BAG1: variants seen among roughly 807,000 people sequenced by gnomAD.
The protein encoded by BAG1 is BAG cochaperone 1.
In BAG1, 35 loss-of-function variants were observed where a neutral mutation model predicts 35.5. The observed-to-expected ratio is 0.99, with a 90% CI of 0.75 to 1.31. The LOEUF is 1.31. BAG1 is among the 50% of genes most tolerant of loss of function. The pLI, the probability that BAG1 is intolerant of heterozygous loss-of-function variation, is 0.00. For synonymous variants in BAG1, 191 were observed against 178.9 expected, an observed-to-expected ratio of 1.07 and a Z score of -0.54; for missense variants, 464 against 453.6, an observed-to-expected ratio of 1.02 and a Z score of -0.21.
chr9:33,264,564 G>C lies in BAG1; in HGVS notation c.111C>G (p.Ala37=), dbSNP rs1282683365. The C allele has an allele frequency of 6.9e-7, 1 of 1,441,228 alleles. No homozygotes were observed. 89.3% of individuals were successfully genotyped at this position (1,441,228 alleles called of 1,614,324 possible). ...GCCCAGAGGGAGGCGGACCACGCTG[G>C]GCCGGGGGCTCCGACTGGCGCGGCT... Residue 37 remains alanine, a synonymous_variant, in exon 1 of 7, where the codon GCC becomes GCG. Transcript: ENST00000634734.
Position 33,264,612 on chromosome 9 carries a change from C to T in BAG1, c.63G>A (p.Leu21=), listed in dbSNP as rs997122538. 3 of 1,359,650 alleles carry T rather than the reference C, an allele frequency of 2.2e-6. No homozygotes were observed. The highest frequency in any genetic ancestry group is 2.8e-6 in the Non-Finnish European group (3 of 1,065,358). 84.2% of individuals were successfully genotyped at this position (1,359,650 alleles called of 1,614,324 possible). A position where few individuals can be genotyped will look rare whatever the true frequency, so the allele number is the denominator to read the frequency against. ...GCTCCCGGCCTGGCCGAAGGGCGCG[C>T]AGCCGGGAACCCAGCCGCTCCCGGT... The change falls in exon 1 of 7, where the codon CTG becomes CTA. Residue 21 remains leucine (L), a synonymous_variant. Transcript: ENST00000634734.
chr9:33,255,347 G>A (rs765823981), intron 6 of BAG1, 39 bp from the exon 7 acceptor site: 2 of 1,613,340 alleles, frequency 1.2e-6, no homozygotes, highest in Admixed American at 3.3e-5. Flanking sequence ...CCCATCCAGG[G>A]GTAGCCGACC....
chr9:33,258,834 A>C (rs1820509781), intron 4 of BAG1, 86 bp downstream of exon 4: 1 of 1,087,640 alleles, frequency 9.2e-7, no homozygotes, highest in African/African-American at 1.6e-5. Context: ...AGGGAGTCTG[A>C]CTGCAGAACA....
At chr9:33,255,975 T>A in intron 5 of BAG1, 48 bp from the exon 6 acceptor site, 1 of 1,514,148 alleles carries the variant, frequency 6.6e-7, no homozygotes, top group Non-Finnish European at 9.2e-7. Flanking sequence ...AGTAAACATG[T>A]AACAAATAAT....
chr9:33,259,848 A>G (rs1328733900), intron 3 of BAG1: 1 of 152,184 alleles, frequency 6.6e-6, no homozygotes, highest in African/African-American at 2.4e-5. Context: ...CATGCCACAC[A>G]CTATCCTAAG....
chr9:33,258,997 T>A lies in BAG1; in HGVS notation c.700A>T (p.Lys234Ter). The A allele has an allele frequency of 6.2e-7, 1 of 1,614,194 alleles. No individual in the cohort carries two copies. Among genetic ancestry groups the A allele is most frequent in the East Asian group, 2.2e-5 (1 of 44,886 alleles). The change falls in exon 4 of 7, where the codon AAA becomes TAA. Residue 234 changes from lysine to a stop codon, truncating the protein, a stop_gained. Transcript: ENST00000634734. LOFTEE classifies it high-confidence loss of function. ...TTCTCCACAGACTTCTCCAAATGTT[T>A]CAACTTCTTTAGTTCAACCTCTTCC...
intron 3 of BAG1, 185 bp from the exon 4 acceptor site, chr9:33,259,218 C>A: frequency 2.2e-6 from 1 of 458,438 alleles, no homozygotes. Context: ...AAAAAATTAG[C>A]CAGGCATGCT....
intron 3 of BAG1, chr9:33,260,020 G>C (rs780859345): frequency 6.6e-6 from 1 of 152,096 alleles, no homozygotes; most frequent in Non-Finnish European, 1.5e-5. Context: ...TTTTGAGATA[G>C]GGTCTCACTA....
Position 33,252,557 on chromosome 9 carries a change from T to TATA in BAG1, c.*2661_*2662insTAT, listed in dbSNP as rs1820358359. On this transcript the variant is annotated 3_prime_UTR_variant, in exon 7 of 7. Transcript: ENST00000634734. ...TGTTATATATGTTATATATGTTATG[T>TATA]TATATATATATATGTTATATATGTA... 6.7e-6 allele frequency: 1 copy of TATA among 148,162 alleles called. No individual in the cohort carries two copies. Among genetic ancestry groups the TATA allele is most frequent in the Non-Finnish European group, 1.5e-5 (1 of 67,356 alleles). The allele number at this position is 148,162 out of a possible 1,614,324, so 9.2% of individuals were successfully genotyped here.
intron 2 of BAG1, among the ~76,000 whole-genome samples, chr9:33,261,669 T>C (rs1820573533): frequency 6.6e-6 from 1 of 152,210 alleles, no homozygotes. Flanking sequence ...AAAATATTTT[T>C]AAAAATTAAA....
intron 5 of BAG1, 133 bp downstream of exon 5, chr9:33,256,668 C>G (rs1344198529): frequency 1.4e-6 from 1 of 719,818 alleles, no homozygotes; most frequent in Non-Finnish European, 2.3e-6. Context: ...ATGACTGGCA[C>G]ACAATAGTAG....
intron 4 of BAG1, chr9:33,257,226 C>G (rs1820474783): frequency 8.0e-6 from 2 of 250,084 alleles, no homozygotes; most frequent in African/African-American, 2.2e-5. Flanking sequence ...GTCTTCAAAG[C>G]CTACGCCTGA....
intron 2 of BAG1, 94 bp downstream of exon 2, chr9:33,262,608 G>T: frequency 7.7e-7 from 1 of 1,302,134 alleles, no homozygotes; most frequent in Non-Finnish European, 1.0e-6. Context: ...AGTGAGCCTA[G>T]ATCGTGCCAT....
At position 33,254,953 on chromosome 9, in the gene BAG1, G is replaced by A. The variant is rs1006195171; in HGVS notation, c.*266C>T. The A allele has an allele frequency of 4.5e-6, 6 of 1,344,782 alleles. No homozygotes were observed. In the African/African-American group the frequency reaches 8.9e-5, roughly 20 times the overall value. The allele number at this position is 1,344,782 out of a possible 1,614,324, so 83.3% of individuals were successfully genotyped here. On this transcript the variant is annotated 3_prime_UTR_variant, in exon 7 of 7. Coordinates refer to ENST00000634734, the MANE Select transcript of BAG1 (RefSeq NM_004323.6). ...AAGCACCCAGAGGTCCAAACAGCTGGGAAAATTTGGGCAGAGGTGGCCCTC... is the reference window on the plus strand; with the variant it reads ...AAGCACCCAGAGGTCCAAACAGCTGAGAAAATTTGGGCAGAGGTGGCCCTC...
intron 3 of BAG1, 82 bp from the exon 4 acceptor site, chr9:33,259,115 C>T: frequency 1.2e-5 from 13 of 1,107,516 alleles, no homozygotes; most frequent in Non-Finnish European, 1.7e-5. Context: ...AATCCCAGCA[C>T]TTTGGGAGGC....
At position 33,264,399 on chromosome 9, in the gene BAG1, C is replaced by T. The variant is rs767225121; in HGVS notation, c.276G>A (p.Leu92=). Residue 92 remains leucine (L), a synonymous_variant, in exon 1 of 7, where the codon TTG becomes TTA. Transcript: ENST00000634734. ...TCCAGGTCGCTTCCTCACTCAGGGT[C>T]AACTCCTCGCTCCGGGTCAACTCCT... is the stretch of plus-strand genomic sequence containing the variant. 15 of 1,603,676 alleles carry T rather than the reference C, an allele frequency of 9.4e-6. No homozygotes were observed. In the Admixed American group the frequency reaches 2.6e-4, roughly 28 times the overall value.
rs1245675282 is a variant in BAG1 at position 33,262,748 on chromosome 9, T to G, written c.534A>C (p.Glu178Asp). The G allele has an allele frequency of 1.2e-6, 2 of 1,614,044 alleles. No individual in the cohort carries two copies. The highest frequency in any genetic ancestry group is 1.7e-5 in the Admixed American group (1 of 60,002). The change falls in exon 2 of 7, where the codon GAA becomes GAC. Residue 178 changes from glutamate (E) to aspartate (D), a missense_variant. Glu to Asp is a conservative substitution (Grantham distance 45, BLOSUM62 2). Transcript: ENST00000634734. The stretch of plus-strand genomic sequence containing the variant: ...AAGACTGTGGAACCCCTATGACCTC[T>G]TCAACAACCTGGGCCAGGTCTTGGA...
At chr9:33,259,882 T>A (rs1264948198) in intron 3 of BAG1, 1 of 152,260 alleles carries the variant, frequency 6.6e-6, no homozygotes, top group African/African-American at 2.4e-5. Context: ...TTTTAAGCCT[T>A]ACCACAACTC....
chr9:33,257,006 G>T, intron 4 of BAG1, 98 bp from the exon 5 acceptor site: 1 of 858,202 alleles, frequency 1.2e-6, no homozygotes, highest in South Asian at 1.5e-5. Flanking sequence ...GCCCACCATA[G>T]CCCTGGCAGG....
Sources: gnomAD v4.1 joint callset for allele counts (sites outside exome capture counted in the v4.1 genomes callset) on GRCh38, gnomAD v4.1.1 for gene constraint, MANE v1.5 for transcripts, NCBI Gene and HGNC (gene_info 2026-07-23, HGNC 2026-07-21) for gene names.